MTUS2: variants seen among roughly 807,000 people sequenced by gnomAD.
MTUS2 encodes the protein microtubule-associated tumor suppressor candidate 2.
MTUS2 carries 40 observed loss-of-function variants against 114.1 expected under a neutral mutation model. That is an observed-to-expected ratio of 0.35 (90% CI 0.27 to 0.46). MTUS2 has a LOEUF of 0.46. Ranked by LOEUF, MTUS2 falls within the 20% of genes least tolerant of loss-of-function variation. The pLI is 1.00. For missense variants in MTUS2, 1,679 were observed against 1,705.4 expected, an observed-to-expected ratio of 0.98 and a Z score of 0.27; for synonymous variants, 688 against 672.0, an observed-to-expected ratio of 1.02 and a Z score of -0.37.
At chr13:29,281,254 A>T (rs1543659) in intron 5 of MTUS2, among the ~76,000 whole-genome samples, 8,430 of 152,260 alleles carry the variant, frequency 0.055, 525 homozygotes, top group East Asian at 0.28. Context: ...GGCTCATGGT[A>T]CATGTGTATA....
chr13:29,268,398 A>G (rs376507555), intron 5 of MTUS2, among the ~76,000 whole-genome samples: 6 of 152,246 alleles, frequency 3.9e-5, no homozygotes, highest in East Asian at 1.9e-4. Flanking sequence ...TGTCCCTCCA[A>G]TGACTCCCGT....
At chr13:29,373,298 G>T (rs1871334640) in intron 8 of MTUS2, among the ~76,000 whole-genome samples, 1 of 152,212 alleles carries the variant, frequency 6.6e-6, no homozygotes, top group Non-Finnish European at 1.5e-5. Context: ...TGCAGGAGCT[G>T]TGGTCCCTGT....
At chr13:29,393,438 A>G (rs558070811) in intron 8 of MTUS2, among the ~76,000 whole-genome samples, 4 of 152,262 alleles carry the variant, frequency 2.6e-5, no homozygotes, top group East Asian at 1.9e-4. Context: ...CAGCTACCCC[A>G]TAACTTTCTG....
intron 2 of MTUS2, among the ~76,000 whole-genome samples, chr13:28,964,270 C>G (rs906952101): frequency 6.6e-6 from 1 of 152,212 alleles, no homozygotes; most frequent in African/African-American, 2.4e-5. Flanking sequence ...CTGGCAAGTC[C>G]TATGACCTCT....
chr13:29,389,299 ATATG>A (rs1298775082), intron 8 of MTUS2, among the ~76,000 whole-genome samples: 1 of 138,662 alleles, frequency 7.2e-6, no homozygotes, highest in African/African-American at 3.3e-5. Context: ...ATATGTGTGT[ATATG>A]TGTATATATG....
chr13:29,231,427 CT>C (rs1336058944), intron 5 of MTUS2, among the ~76,000 whole-genome samples: 2 of 152,204 alleles, frequency 1.3e-5, no homozygotes, highest in Non-Finnish European at 2.9e-5. Flanking sequence ...ACAGATAGAG[CT>C]TACAGTGCTC....
intron 8 of MTUS2, among the ~76,000 whole-genome samples, chr13:29,367,942 C>CTTT (rs545792343): frequency 8.9e-5 from 12 of 134,584 alleles, no homozygotes; most frequent in Non-Finnish European, 1.2e-4. Flanking sequence ...GAATCTACTT[C>CTTT]TTTTTTTTTT....
At chr13:28,891,363 C>G (rs1593274915) in intron 2 of MTUS2, among the ~76,000 whole-genome samples, 1 of 152,174 alleles carries the variant, frequency 6.6e-6, no homozygotes, top group East Asian at 1.9e-4. Flanking sequence ...GTGAAACTTA[C>G]TTTTCACCAT....
chr13:29,122,214 T>C (rs1891339067), intron 5 of MTUS2, among the ~76,000 whole-genome samples: 1 of 152,130 alleles, frequency 6.6e-6, no homozygotes, highest in South Asian at 2.1e-4. Context: ...TAAGTTTCAC[T>C]TGGGCCTTAA....
intron 2 of MTUS2, among the ~76,000 whole-genome samples, chr13:28,919,593 C>T (rs554268885): frequency 6.6e-6 from 1 of 152,176 alleles, no homozygotes; most frequent in African/African-American, 2.4e-5. Context: ...CCTTCTTGCA[C>T]TTGAATATTG....
chr13:28,910,855 CTTTTTTTTTTTTTTTTTTTTTTTTTTTT>C (rs555935861), intron 2 of MTUS2, among the ~76,000 whole-genome samples: 2 of 58,006 alleles, frequency 3.4e-5, no homozygotes, highest in Non-Finnish European at 6.0e-5. Flanking sequence ...ATATACATGG[CTTTTTTTTTTTTTTTTTTTTTTTTTTTT>C]TTTTTTTTTT....
intron 5 of MTUS2, among the ~76,000 whole-genome samples, chr13:29,135,298 CTT>C (rs1852836595): frequency 6.6e-6 from 1 of 152,310 alleles, no homozygotes; most frequent in East Asian, 1.9e-4. Flanking sequence ...TTCTTTGTCT[CTT>C]ATAACTTTTT....
intron 7 of MTUS2, among the ~76,000 whole-genome samples, chr13:29,338,766 T>C (rs1414051568): frequency 5.9e-5 from 9 of 152,238 alleles, no homozygotes; most frequent in Non-Finnish European, 8.8e-5. Flanking sequence ...ATAAAGACAC[T>C]ATTATTTAAA....
At chr13:29,363,909 T>C (rs1870481806) in intron 8 of MTUS2, among the ~76,000 whole-genome samples, 1 of 152,166 alleles carries the variant, frequency 6.6e-6, no homozygotes, top group Non-Finnish European at 1.5e-5. Context: ...ACCATAGCTG[T>C]TGTAGATATC....
intron 8 of MTUS2, among the ~76,000 whole-genome samples, chr13:29,368,100 G>A (rs1373030583): frequency 2.0e-5 from 3 of 151,812 alleles, no homozygotes; most frequent in East Asian, 3.9e-4. Flanking sequence ...CACCGCACCC[G>A]GCTAATTTTT....
At chr13:29,209,771 G>C (rs140616344) in intron 5 of MTUS2, among the ~76,000 whole-genome samples, 1 of 152,242 alleles carries the variant, frequency 6.6e-6, no homozygotes, top group Non-Finnish European at 1.5e-5. Context: ...ATCCCTTCTG[G>C]TTTGTAGGGT....
chr13:29,127,675 T>C (rs1231211492), intron 5 of MTUS2, among the ~76,000 whole-genome samples: 7 of 152,244 alleles, frequency 4.6e-5, no homozygotes, highest in Admixed American at 1.3e-4. Flanking sequence ...CTGCTGATTC[T>C]GTCTCTGGAC....
At chr13:28,920,762 C>T (rs574988416) in intron 2 of MTUS2, among the ~76,000 whole-genome samples, 2 of 152,332 alleles carry the variant, frequency 1.3e-5, no homozygotes, top group South Asian at 2.1e-4. Flanking sequence ...ACTCAAACCA[C>T]AAGACAAAGT....
Position 29,379,787 on chromosome 13 carries a change from G to A in MTUS2, c.3117+20314G>A, listed in dbSNP as rs913090801. 2.6e-5 allele frequency among the ~76,000 whole-genome samples: 4 copies of A among 152,154 alleles called. No homozygotes were observed. The East Asian group carries it at 7.7e-4, about 29-fold the overall frequency. Reference sequence around the variant, plus strand: ...ATTGAGAAATTATTGAGAAATTATGGCATTTTACTCTTTACCTAAAAGCAA... The same window carrying A: ...ATTGAGAAATTATTGAGAAATTATGACATTTTACTCTTTACCTAAAAGCAA... On this transcript the variant is annotated intron_variant, in intron 8 of 15. Coordinates refer to ENST00000612955, the MANE Select transcript of MTUS2 (RefSeq NM_001033602.4).
Sources: allele counts gnomAD v4.1 joint callset (sites outside exome capture counted in the v4.1 genomes callset), GRCh38; gene constraint gnomAD v4.1.1; transcripts MANE v1.5; gene names NCBI Gene and HGNC (gene_info 2026-07-23, HGNC 2026-07-21).